The following SLCO1C1 variants were observed in gnomAD, a reference collection of about 807,000 sequenced individuals.
SLCO1C1 encodes the protein OAT-RP-5.
In SLCO1C1, 70 loss-of-function variants were observed where a neutral mutation model predicts 76.4. That is an observed-to-expected ratio of 0.92 (90% CI 0.76 to 1.12). SLCO1C1 has a LOEUF of 1.12. Ranked by LOEUF, SLCO1C1 falls within the 50% of genes most tolerant of loss-of-function variation. The pLI, the probability that SLCO1C1 is intolerant of heterozygous loss-of-function variation, is 0.00. For synonymous variants in SLCO1C1, 306 were observed against 286.1 expected, an observed-to-expected ratio of 1.07 and a Z score of -0.70; for missense variants, 912 against 823.8, an observed-to-expected ratio of 1.11 and a Z score of -1.31.
intron 13 of SLCO1C1, 44 bp from the exon 14 acceptor site, chr12:20,750,631 G>A (rs753262408): frequency 1.3e-6 from 2 of 1,546,242 alleles, no homozygotes; most frequent in African/African-American, 1.4e-5. Flanking sequence ...TAGACAAAAA[G>A]ATGTGCATAT....
At chr12:20,717,278 CAT>C in intron 7 of SLCO1C1, 48 bp downstream of exon 7, 1 of 1,426,022 alleles carries the variant, frequency 7.0e-7, no homozygotes, top group Non-Finnish European at 9.6e-7. Context: ...GTCACTGTAA[CAT>C]TTTTAATGGG....
At position 20,749,228 on chromosome 12, in the gene SLCO1C1, A is replaced by G. The variant is rs539720149; in HGVS notation, c.1799-1447A>G. On this transcript the variant is annotated intron_variant, in intron 13 of 14. Transcript: ENST00000266509. ...TAGTGAGATTATTTTGTTCAATATA[A>G]GCATACAAAGCAATTTTATAACAGA... Among the ~76,000 whole-genome samples, 40 of 152,364 alleles carry G rather than the reference A, an allele frequency of 2.6e-4. 1 individual carries two copies. The South Asian group carries it at 8.3e-3, about 32-fold the overall frequency.
At chr12:20,740,078 C>G (rs1948731529) in intron 11 of SLCO1C1, 106 bp from the exon 12 acceptor site, 3 of 1,085,998 alleles carry the variant, frequency 2.8e-6, no homozygotes, top group Non-Finnish European at 3.9e-6. Context: ...AATATTTCCT[C>G]ATTGTTTACA....
chr12:20,700,088 C>CTT (rs35830344), intron 2 of SLCO1C1: 3 of 148,586 alleles, frequency 2.0e-5, no homozygotes, highest in South Asian at 2.1e-4. Flanking sequence ...AGAAGAGTTG[C>CTT]TTTTTTTTTT....
At chr12:20,747,310 C>T (rs1264165999) in intron 13 of SLCO1C1, among the ~76,000 whole-genome samples, 1 of 152,014 alleles carries the variant, frequency 6.6e-6, no homozygotes, top group Non-Finnish European at 1.5e-5. Flanking sequence ...TGCTTGTGGT[C>T]CCAGATACTC....
chr12:20,717,722 T>A (rs1050994569), intron 7 of SLCO1C1, among the ~76,000 whole-genome samples: 18 of 138,876 alleles, frequency 1.3e-4, no homozygotes, highest in African/African-American at 4.9e-4. Context: ...GGTGGAAGCA[T>A]GTTACAGCAC....
At chr12:20,742,953 A>C (rs1276004890) in intron 12 of SLCO1C1, among the ~76,000 whole-genome samples, 1 of 152,010 alleles carries the variant, frequency 6.6e-6, no homozygotes, top group Non-Finnish European at 1.5e-5. Flanking sequence ...TTTGGCTATT[A>C]ATTCTTTATT....
chr12:20,726,341 T>C (rs1283359975), intron 9 of SLCO1C1, among the ~76,000 whole-genome samples: 1 of 152,018 alleles, frequency 6.6e-6, no homozygotes, highest in Admixed American at 6.6e-5. Context: ...CTTTGCTTCT[T>C]TGAGAGAAGG....
At chr12:20,736,365 A>G (rs1006977628) in intron 10 of SLCO1C1, among the ~76,000 whole-genome samples, 12 of 152,088 alleles carry the variant, frequency 7.9e-5, no homozygotes, top group African/African-American at 2.7e-4. Context: ...TGTCTCATTA[A>G]TGTTTGTAAC....
intron 13 of SLCO1C1, among the ~76,000 whole-genome samples, chr12:20,744,679 A>G (rs1398778588): frequency 1.3e-5 from 2 of 152,174 alleles, no homozygotes; most frequent in Non-Finnish European, 2.9e-5. Context: ...ATGTTTATAC[A>G]TTGCTGTTGG....
chr12:20,740,776 A>T (rs1223122335), intron 12 of SLCO1C1, among the ~76,000 whole-genome samples: 1 of 33,916 alleles, frequency 2.9e-5, no homozygotes. Flanking sequence ...CAATGTTAGA[A>T]TTTATTTTAT....
chr12:20,722,059 A>G lies in SLCO1C1; in HGVS notation c.1021+10A>G, dbSNP rs756847693. The G allele has an allele frequency of 6.2e-7, 1 of 1,608,190 alleles. No individual in the cohort carries two copies. The highest frequency in any genetic ancestry group is 8.5e-7 in the Non-Finnish European group (1 of 1,177,632). ...ATGGAAATGGCAAGAGGTAAGTCAAATTCTTGATTTTGAAGTATTTTCATT... is the reference window on the plus strand; with the variant it reads ...ATGGAAATGGCAAGAGGTAAGTCAAGTTCTTGATTTTGAAGTATTTTCATT... On this transcript the variant is annotated intron_variant, in intron 8 of 14. Transcript: ENST00000266509.
chr12:20,695,905 T>C (rs942886897), intron 1 of SLCO1C1, 98 bp downstream of exon 1: 1 of 152,080 alleles, frequency 6.6e-6, no homozygotes, highest in Non-Finnish European at 1.5e-5. Context: ...GTTTTATCCA[T>C]AAAAATATCA....
At chr12:20,714,954 C>T (rs565747579) in intron 5 of SLCO1C1, among the ~76,000 whole-genome samples, 185 bp from the exon 6 acceptor site, 23 of 152,262 alleles carry the variant, frequency 1.5e-4, no homozygotes, top group African/African-American at 5.5e-4. Flanking sequence ...TGGGGATTTA[C>T]TCTGCCTAAA....
Position 20,740,366 on chromosome 12 carries a change from G to A in SLCO1C1, c.1731G>A (p.Leu577=). ...GCATACCTGGATACATATTACTTCT[G>A]AGGTGAGTACTGATTCTCCCTATTC... ...LGGIPGYILL[L]RCIKPQLKSF... Residue 577 remains leucine, a splice_region_variant and synonymous_variant, in exon 12 of 15, where the codon CTG becomes CTA. Transcript: ENST00000266509. The A allele has an allele frequency of 6.2e-7, 1 of 1,611,110 alleles. No homozygotes were observed. Among genetic ancestry groups the A allele is most frequent in the African/African-American group, 1.3e-5 (1 of 74,918 alleles).
intron 4 of SLCO1C1, among the ~76,000 whole-genome samples, chr12:20,709,322 G>C (rs1186420149): frequency 6.6e-6 from 1 of 152,110 alleles, no homozygotes; most frequent in East Asian, 1.9e-4. Flanking sequence ...GAGTATCACA[G>C]ATAGCAATTA....
intron 9 of SLCO1C1, among the ~76,000 whole-genome samples, chr12:20,730,753 A>AAT (rs142981668): frequency 2.3e-3 from 358 of 152,360 alleles, no homozygotes; most frequent in Non-Finnish European, 4.0e-3. Context: ...CCTATGGTCA[A>AAT]ATAAAAACAG....
chr12:20,737,215 A>G lies in SLCO1C1; in HGVS notation c.1491A>G (p.Thr497=), dbSNP rs1350700138. ...WEPMCGENGI[T]YVSACLAGCQ... ...CCATGTGCGGTGAAAATGGAATCAC[A>G]TATGTATCAGCTTGTCTTGCTGGTT... Residue 497 remains threonine, a synonymous_variant, in exon 11 of 15, where the codon ACA becomes ACG. Transcript: ENST00000266509. 2 of 1,572,090 alleles carry G rather than the reference A, an allele frequency of 1.3e-6. No homozygotes were observed. Among genetic ancestry groups the G allele is most frequent in the Non-Finnish European group, 8.6e-7 (1 of 1,166,080 alleles).
chr12:20,727,173 T>C (rs901942964), intron 9 of SLCO1C1, among the ~76,000 whole-genome samples: 3 of 152,232 alleles, frequency 2.0e-5, no homozygotes, highest in Non-Finnish European at 4.4e-5. Context: ...TGGGTGCATG[T>C]GTCCTTTTGA....
Sources: allele counts gnomAD v4.1 joint callset (sites outside exome capture counted in the v4.1 genomes callset), GRCh38; gene constraint gnomAD v4.1.1; transcripts MANE v1.5; gene names NCBI Gene and HGNC (gene_info 2026-07-23, HGNC 2026-07-21).